The following PCDH11X variants were observed in gnomAD, a reference collection of about 807,000 sequenced individuals.
The protein encoded by PCDH11X is protocadherin 11 X-linked.
Under a neutral mutation model 53.3 loss-of-function variants are expected in PCDH11X, and 18 were observed. The ratio of observed to expected loss-of-function variants is 0.34; its 90% CI spans 0.23 to 0.50. PCDH11X has a LOEUF of 0.50. Ranked by LOEUF, PCDH11X falls within the 20% of genes least tolerant of loss-of-function variation. The pLI is 0.98. For synonymous variants in PCDH11X, 279 were observed against 393.3 expected, an observed-to-expected ratio of 0.71 and a Z score of 3.44; for missense variants, 570 against 1,032.4, an observed-to-expected ratio of 0.55 and a Z score of 6.14.
At chrX:92,060,707 A>G (rs1386635383) in intron 6 of PCDH11X, among the ~76,000 whole-genome samples, 2 of 109,961 alleles carry the variant, frequency 1.8e-5, no homozygotes, top group Admixed American at 9.8e-5. Flanking sequence ...TGTGTACAAC[A>G]TTTTCTTTAC....
At chrX:92,189,178 C>T (rs2066149461) in intron 6 of PCDH11X, among the ~76,000 whole-genome samples, 1 of 111,072 alleles carries the variant, frequency 9.0e-6, no homozygotes, top group African/African-American at 3.3e-5. Flanking sequence ...TTAAGCCCAG[C>T]ATCCATTAGC....
chrX:92,361,015 A>G (rs2070333951), intron 8 of PCDH11X, among the ~76,000 whole-genome samples: 1 of 108,879 alleles, frequency 9.2e-6, no homozygotes, highest in Non-Finnish European at 1.9e-5. Flanking sequence ...AAGCTGATTT[A>G]TTTATTTATT....
intron 9 of PCDH11X, among the ~76,000 whole-genome samples, chrX:92,413,672 T>C (rs990392736): frequency 1.8e-5 from 2 of 109,537 alleles, no homozygotes; most frequent in Admixed American, 9.8e-5. Flanking sequence ...AGAGTGGCCG[T>C]TGTGACAGGC....
intron 8 of PCDH11X, among the ~76,000 whole-genome samples, chrX:92,367,959 T>C (rs1271381561): frequency 9.6e-6 from 1 of 104,142 alleles, no homozygotes; most frequent in Admixed American, 1.1e-4. Flanking sequence ...GAGAATCTGA[T>C]GATTATGTGT....
chrX:92,375,502 A>C (rs2148558214), intron 8 of PCDH11X, among the ~76,000 whole-genome samples: 1 of 104,045 alleles, frequency 9.6e-6, no homozygotes, highest in Non-Finnish European at 2.0e-5. Context: ...TTTAAGAATT[A>C]GTTTATGTTT....
At chrX:92,060,183 A>G (rs2063505693) in intron 6 of PCDH11X, among the ~76,000 whole-genome samples, 1 of 106,046 alleles carries the variant, frequency 9.4e-6, no homozygotes, top group South Asian at 4.3e-4. Flanking sequence ...TAAAATAAAC[A>G]TTTCTGCTTT....
intron 9 of PCDH11X, among the ~76,000 whole-genome samples, chrX:92,447,806 A>G (rs1272766085): frequency 2.0e-4 from 22 of 112,499 alleles, no homozygotes; most frequent in Non-Finnish European, 5.6e-5. Context: ...ATCCACAGAC[A>G]CTAAACAACA....
chrX:91,875,379 T>C (rs1754005980), intron 5 of PCDH11X, among the ~76,000 whole-genome samples: 1 of 101,656 alleles, frequency 9.8e-6, no homozygotes, highest in African/African-American at 3.7e-5. Flanking sequence ...GCCTCTGGGG[T>C]TCATGCCATT....
intron 10 of PCDH11X, among the ~76,000 whole-genome samples, chrX:92,548,499 C>T (rs765486661): frequency 1.8e-5 from 2 of 111,877 alleles, no homozygotes; most frequent in South Asian, 3.7e-4. Context: ...AGCCTTCTGG[C>T]ATCTTATCAT....
chrX:92,126,784 C>T (rs2064874285), intron 6 of PCDH11X, among the ~76,000 whole-genome samples: 1 of 103,675 alleles, frequency 9.6e-6, no homozygotes, highest in Non-Finnish European at 2.0e-5. Context: ...ATGGGAGAAT[C>T]TAATTTTAAA....
At chrX:92,337,335 G>A (rs1603277498) in intron 8 of PCDH11X, among the ~76,000 whole-genome samples, 1 of 110,529 alleles carries the variant, frequency 9.0e-6, no homozygotes, top group Non-Finnish European at 1.9e-5. Flanking sequence ...TAGCAGATAA[G>A]TAATAGTGAG....
intron 7 of PCDH11X, among the ~76,000 whole-genome samples, chrX:92,243,517 G>A (rs2067297673): frequency 9.1e-6 from 1 of 110,007 alleles, no homozygotes; most frequent in Admixed American, 9.7e-5. Flanking sequence ...TATTTAATAG[G>A]CCTTAATGTA....
chrX:92,522,852 C>T (rs1345100826), intron 10 of PCDH11X, among the ~76,000 whole-genome samples: 1 of 111,645 alleles, frequency 9.0e-6, no homozygotes, highest in African/African-American at 3.3e-5. Context: ...AGTGCCAAAA[C>T]AAAAAATCAA....
chrX:92,049,706 T>G (rs2063339690), intron 6 of PCDH11X, among the ~76,000 whole-genome samples: 1 of 112,002 alleles, frequency 8.9e-6, no homozygotes, highest in Non-Finnish European at 1.9e-5. Context: ...TTAGTTATTA[T>G]ATTTTTATAC....
intron 7 of PCDH11X, among the ~76,000 whole-genome samples, chrX:92,262,584 CT>C (rs1163176527): frequency 9.0e-6 from 1 of 111,333 alleles, no homozygotes; most frequent in African/African-American, 3.3e-5. Context: ...TAAGATGCCC[CT>C]ATGAACAACA....
intron 6 of PCDH11X, among the ~76,000 whole-genome samples, chrX:92,117,955 G>A (rs948412700): frequency 3.6e-5 from 4 of 112,148 alleles, no homozygotes; most frequent in Non-Finnish European, 5.6e-5. Context: ...GGAGCAATGT[G>A]TAATAACATT....
At chrX:92,352,170 G>T (rs2070067708) in intron 8 of PCDH11X, among the ~76,000 whole-genome samples, 1 of 111,393 alleles carries the variant, frequency 9.0e-6, no homozygotes, top group Non-Finnish European at 1.9e-5. Flanking sequence ...GATACTAAAT[G>T]GATTGGAGCT....
chrX:92,149,471 G>A (rs755593656), intron 6 of PCDH11X, among the ~76,000 whole-genome samples: 1,733 of 97,012 alleles, frequency 0.018, 29 homozygotes, highest in African/African-American at 0.059. Flanking sequence ...GTGTGTGTGT[G>A]TATATATGTG....
chrX:91,829,219 T>C (rs1030892686), intron 4 of PCDH11X, among the ~76,000 whole-genome samples: 1 of 109,521 alleles, frequency 9.1e-6, no homozygotes, highest in African/African-American at 3.4e-5. Context: ...TGTACTGTTT[T>C]ATTAATTCAT....
Sources: gnomAD v4.1 joint callset for allele counts (sites outside exome capture counted in the v4.1 genomes callset) on GRCh38, gnomAD v4.1.1 for gene constraint, MANE v1.5 for transcripts, NCBI Gene and HGNC (gene_info 2026-07-23, HGNC 2026-07-21) for gene names.